SPMAP2L: variants seen among roughly 807,000 people sequenced by gnomAD.
SPMAP2L encodes sperm microtubule associated protein 2 like, also known as sperm microtubule associated protein 2-like.
the SPMAP2L span, among the ~76,000 whole-genome samples, chr4:56,579,683 C>T: frequency 1.3e-5 from 2 of 152,098 alleles, no homozygotes; most frequent in Non-Finnish European, 2.9e-5. Context: ...GTGGGAGAAT[C>T]ACATAAGCCC....
the SPMAP2L span, among the ~76,000 whole-genome samples, chr4:56,576,219 T>G: frequency 6.6e-6 from 1 of 152,158 alleles, no homozygotes; most frequent in Admixed American, 6.5e-5. Flanking sequence ...GAAATGATAA[T>G]AAACTTGAGA....
chr4:56,568,278 C>G, the SPMAP2L span, among the ~76,000 whole-genome samples: 1 of 152,132 alleles, frequency 6.6e-6, no homozygotes, highest in African/African-American at 2.4e-5. Flanking sequence ...GAGTCTGTTT[C>G]TAATGATTGA....
At chr4:56,603,303 T>C in the SPMAP2L span, 1 of 1,534,000 alleles carries the variant, frequency 6.5e-7, no homozygotes, top group Admixed American at 2.0e-5. Context: ...CTGGGAGTTG[T>C]CACAACCTCT....
chr4:56,586,518 A>G, the SPMAP2L span, among the ~76,000 whole-genome samples: 1 of 152,186 alleles, frequency 6.6e-6, no homozygotes, highest in Non-Finnish European at 1.5e-5. Flanking sequence ...TTGGGCTTCA[A>G]CATGTGAATT....
the SPMAP2L span, among the ~76,000 whole-genome samples, chr4:56,607,813 C>T: frequency 6.6e-6 from 1 of 151,944 alleles, no homozygotes; most frequent in Non-Finnish European, 1.5e-5. Context: ...CATAGGGACA[C>T]CCCATTTTTA....
the SPMAP2L span, among the ~76,000 whole-genome samples, chr4:56,580,447 A>T: frequency 6.6e-6 from 1 of 152,176 alleles, no homozygotes; most frequent in Non-Finnish European, 1.5e-5. Flanking sequence ...AAAATGCTAA[A>T]CAAGCTAGGC....
chr4:56,535,939 GATCA>G, the SPMAP2L span, among the ~76,000 whole-genome samples: 1 of 152,330 alleles, frequency 6.6e-6, no homozygotes, highest in African/African-American at 2.4e-5. Context: ...TTCCACTTCA[GATCA>G]ATCTATCAAT....
At chr4:56,578,227 G>A in the SPMAP2L span, among the ~76,000 whole-genome samples, 5 of 152,130 alleles carry the variant, frequency 3.3e-5, no homozygotes, top group East Asian at 3.9e-4. Flanking sequence ...ACAAAGGAGC[G>A]GGAGGGGATA....
the SPMAP2L span, among the ~76,000 whole-genome samples, chr4:56,534,938 C>A: frequency 6.6e-6 from 1 of 151,928 alleles, no homozygotes; most frequent in African/African-American, 2.4e-5. Flanking sequence ...TCAACAACAA[C>A]AACAAACAAC....
the SPMAP2L span, among the ~76,000 whole-genome samples, chr4:56,588,722 T>A: frequency 7.2e-5 from 11 of 151,888 alleles, no homozygotes; most frequent in African/African-American, 2.7e-4. Flanking sequence ...TTAGCCACTG[T>A]GTCCAGCCAT....
At chr4:56,585,634 G>A in the SPMAP2L span, among the ~76,000 whole-genome samples, 18 of 152,136 alleles carry the variant, frequency 1.2e-4, no homozygotes, top group Non-Finnish European at 2.2e-4. Flanking sequence ...GAGCCACTGC[G>A]CCTGTCCTAC....
At chr4:56,557,339 AAG>A in the SPMAP2L span, among the ~76,000 whole-genome samples, 1 of 152,142 alleles carries the variant, frequency 6.6e-6, no homozygotes, top group African/African-American at 2.4e-5. Flanking sequence ...AGAACCAGGA[AAG>A]AGAGAGTCTC....
chr4:56,576,454 C>T, the SPMAP2L span, among the ~76,000 whole-genome samples: 2 of 152,150 alleles, frequency 1.3e-5, no homozygotes, highest in Non-Finnish European at 2.9e-5. Flanking sequence ...GGGCAGCAGA[C>T]GTCAGCTTAG....
At chr4:56,595,210 T>C in the SPMAP2L span, 15 of 1,611,392 alleles carry the variant, frequency 9.3e-6, no homozygotes, top group Non-Finnish European at 1.3e-5. Context: ...CAGAATTCTT[T>C]TCAGGGGTGC....
chr4:56,575,262 A>C, the SPMAP2L span, among the ~76,000 whole-genome samples: 1 of 151,936 alleles, frequency 6.6e-6, no homozygotes, highest in Admixed American at 6.6e-5. Context: ...AAAAAAAAGA[A>C]AAAAAAGAAG....
the SPMAP2L span, among the ~76,000 whole-genome samples, chr4:56,607,273 C>T: frequency 6.6e-6 from 1 of 152,054 alleles, no homozygotes; most frequent in Non-Finnish European, 1.5e-5. Flanking sequence ...TCTCTTTTTG[C>T]CATGTAAGGA....
chr4:56,542,124 C>T, the SPMAP2L span, among the ~76,000 whole-genome samples: 1 of 152,178 alleles, frequency 6.6e-6, no homozygotes, highest in South Asian at 2.1e-4. Context: ...ACAATGAAAA[C>T]GCAGAGGAAT....
the SPMAP2L span, among the ~76,000 whole-genome samples, chr4:56,553,180 CTTTTTTTTT>C: frequency 2.3e-4 from 7 of 29,990 alleles, no homozygotes; most frequent in African/African-American, 6.5e-4. Context: ...TCTCCTATTG[CTTTTTTTTT>C]TTTTTTTTTT....
chr4:56,531,275 G>A, the SPMAP2L span: 1 of 1,385,842 alleles, frequency 7.2e-7, no homozygotes, highest in Non-Finnish European at 9.5e-7. Flanking sequence ...CTAAGGTGGA[G>A]GTTTGCATGC....
Sources: allele counts gnomAD v4.1 joint callset (sites outside exome capture counted in the v4.1 genomes callset), GRCh38; gene constraint gnomAD v4.1.1; transcripts MANE v1.5; gene names NCBI Gene and HGNC (gene_info 2026-07-23, HGNC 2026-07-21).